The following EYS variants were observed in gnomAD, a reference collection of about 807,000 sequenced individuals.
EYS encodes the protein protein eyes shut homolog.
EYS carries 250 observed loss-of-function variants against 282.1 expected under a neutral mutation model. The observed-to-expected ratio is 0.89, with a 90% CI of 0.80 to 0.98. EYS has a LOEUF of 0.98. Among genes scored for constraint, EYS ranks in the 50% least tolerant of loss-of-function variants. EYS has a pLI of 0.00. For missense variants in EYS, 4,016 were observed against 3,709.0 expected (o/e 1.08, Z -2.15); for synonymous variants, 1,355 against 1,282.9 (o/e 1.06, Z -1.20).
At chr6:64,416,806 G>A (rs1482894811) in intron 28 of EYS, among the ~76,000 whole-genome samples, 2 of 151,950 alleles carry the variant, frequency 1.3e-5, no homozygotes, top group African/African-American at 2.4e-5. Context: ...GCTGTCCTTA[G>A]GTAAAAGATA....
At chr6:65,073,245 A>C (rs1773950109) in intron 12 of EYS, among the ~76,000 whole-genome samples, 1 of 151,858 alleles carries the variant, frequency 6.6e-6, no homozygotes, top group South Asian at 2.1e-4. Context: ...ATGCCAGAAA[A>C]AATGATATAT....
At chr6:65,011,875 C>A (rs187785515) in intron 13 of EYS, among the ~76,000 whole-genome samples, 2,205 of 152,304 alleles carry the variant, frequency 0.014, 29 homozygotes, top group Non-Finnish European at 0.024. Flanking sequence ...GGGATATAAA[C>A]CCAGGCATTC....
chr6:65,148,005 AG>A (rs1451699125), intron 12 of EYS, among the ~76,000 whole-genome samples: 1 of 152,022 alleles, frequency 6.6e-6, no homozygotes, highest in African/African-American at 2.4e-5. Context: ...ACTTCCCACC[AG>A]GTTCCTCCCA....
chr6:64,656,785 T>C (rs1315778919), intron 22 of EYS, among the ~76,000 whole-genome samples: 1 of 152,212 alleles, frequency 6.6e-6, no homozygotes, highest in Non-Finnish European at 1.5e-5. Context: ...ATTTCTGTTC[T>C]GCTTTGCATG....
intron 29 of EYS, among the ~76,000 whole-genome samples, chr6:64,384,746 A>T (rs1328464879): frequency 6.6e-6 from 1 of 152,192 alleles, no homozygotes; most frequent in South Asian, 2.1e-4. Context: ...CTTGAAAGTT[A>T]TCATCATTTA....
At chr6:64,672,432 A>G (rs1050955593) in intron 22 of EYS, among the ~76,000 whole-genome samples, 1 of 152,134 alleles carries the variant, frequency 6.6e-6, no homozygotes, top group East Asian at 1.9e-4. Context: ...TTCTTAGACT[A>G]GGATTCTAAT....
intron 1 of EYS, among the ~76,000 whole-genome samples, chr6:65,688,072 A>G (rs1769096567): frequency 1.5e-5 from 1 of 68,344 alleles, no homozygotes; most frequent in African/African-American, 2.9e-5. Flanking sequence ...ACAGAATTGG[A>G]AAAAAAATAC....
At chr6:64,097,857 A>G (rs1772685029) in intron 31 of EYS, among the ~76,000 whole-genome samples, 1 of 152,240 alleles carries the variant, frequency 6.6e-6, no homozygotes, top group Admixed American at 6.5e-5. Flanking sequence ...CCAGAACACA[A>G]AAAAATTGGA....
chr6:64,400,221 T>G (rs537761192), intron 28 of EYS: 7 of 152,026 alleles, frequency 4.6e-5, no homozygotes, highest in Non-Finnish European at 8.8e-5. Context: ...AATACTATTA[T>G]CTATATAATA....
intron 28 of EYS, among the ~76,000 whole-genome samples, chr6:64,407,619 T>A (rs1267623382): frequency 1.3e-5 from 2 of 152,154 alleles, no homozygotes; most frequent in East Asian, 1.9e-4. Context: ...ATATAAATTG[T>A]TTTCAAGGAA....
intron 18 of EYS, 116 bp from the exon 19 acceptor site, chr6:64,886,958 A>G: frequency 1.4e-6 from 1 of 694,738 alleles, no homozygotes; most frequent in Non-Finnish European, 2.2e-6. Context: ...AATAAATAAT[A>G]TATGTATTTC....
intron 12 of EYS, among the ~76,000 whole-genome samples, chr6:65,142,321 T>G: frequency 6.6e-6 from 1 of 151,868 alleles, no homozygotes; most frequent in East Asian, 1.9e-4. Flanking sequence ...AATTACATTA[T>G]AATCAGGGGA....
At chr6:65,666,198 T>C (rs138162375) in intron 1 of EYS, among the ~76,000 whole-genome samples, 3,461 of 152,010 alleles carry the variant, frequency 0.023, 56 homozygotes, top group Non-Finnish European at 0.033. Flanking sequence ...AGTATGTGTG[T>C]ACAAAAATGT....
chr6:64,951,360 C>T (rs1193249225), intron 14 of EYS, among the ~76,000 whole-genome samples: 1 of 151,734 alleles, frequency 6.6e-6, no homozygotes, highest in Non-Finnish European at 1.5e-5. Flanking sequence ...ACCATACTTG[C>T]CTAAAATGTG....
chr6:64,372,023 C>T (rs1302208747), intron 29 of EYS, among the ~76,000 whole-genome samples: 1 of 149,694 alleles, frequency 6.7e-6, no homozygotes, highest in Non-Finnish European at 1.5e-5. Flanking sequence ...TTCAAGTGAA[C>T]ATGTATTGAC....
At chr6:64,586,343 A>G (rs1156371218) in intron 26 of EYS, among the ~76,000 whole-genome samples, 1 of 152,108 alleles carries the variant, frequency 6.6e-6, no homozygotes, top group Non-Finnish European at 1.5e-5. Flanking sequence ...GTATTTTGTA[A>G]TATCAGCACA....
At chr6:64,005,937 G>A (rs1161847468) in intron 33 of EYS, among the ~76,000 whole-genome samples, 1 of 152,044 alleles carries the variant, frequency 6.6e-6, no homozygotes, top group Non-Finnish European at 1.5e-5. Flanking sequence ...GCTTTGGATT[G>A]CCGTGGTTAT....
At position 64,617,862 on chromosome 6, in the gene EYS, A is replaced by C. The variant is rs143149757; in HGVS notation, c.3569-329T>G. Reference sequence around the variant, plus strand: ...ATTACATATTCAAATGTCTTTACTTATTTTACTTTGGAATAAATACATGGA... The same window carrying C: ...ATTACATATTCAAATGTCTTTACTTCTTTTACTTTGGAATAAATACATGGA... On this transcript the variant is annotated intron_variant, in intron 23 of 42. Transcript: ENST00000503581. Among the ~76,000 whole-genome samples the C allele has an allele frequency of 7.4e-3, 1,129 of 152,250 alleles. 20 individuals carry two copies. Among genetic ancestry groups the C allele is most frequent in the African/African-American group, 0.026 (1,073 of 41,562 alleles).
At chr6:64,931,176 T>C (rs1028495614) in intron 15 of EYS, among the ~76,000 whole-genome samples, 13 of 152,126 alleles carry the variant, frequency 8.5e-5, no homozygotes, top group Non-Finnish European at 1.6e-4. Context: ...CATCAGACGT[T>C]CATTTATCTA....
Sources: allele counts gnomAD v4.1 joint callset (sites outside exome capture counted in the v4.1 genomes callset), GRCh38; gene constraint gnomAD v4.1.1; transcripts MANE v1.5; gene names NCBI Gene and HGNC (gene_info 2026-07-23, HGNC 2026-07-21).